The following TMEM232 variants were observed in gnomAD, a reference collection of about 807,000 sequenced individuals.
TMEM232 encodes the protein transmembrane protein 232.
TMEM232 carries 80 observed loss-of-function variants against 78.8 expected under a neutral mutation model. The observed-to-expected ratio is 1.01, with a 90% CI of 0.85 to 1.22. The LOEUF (loss-of-function observed/expected upper bound fraction) is 1.22. Among genes scored for constraint, TMEM232 ranks in the 50% most tolerant of loss-of-function variants. The pLI is 0.00. For synonymous variants in TMEM232, 297 were observed against 254.3 expected, an observed-to-expected ratio of 1.17 and a Z score of -1.60; for missense variants, 881 against 742.2, an observed-to-expected ratio of 1.19 and a Z score of -2.17.
chr5:110,587,871 G>C (rs941965272), intron 10 of TMEM232, among the ~76,000 whole-genome samples: 5 of 149,762 alleles, frequency 3.3e-5, no homozygotes, highest in African/African-American at 1.3e-4. Flanking sequence ...AATATGATCA[G>C]TGATACTATA....
At chr5:110,662,037 T>G (rs577346671) in intron 2 of TMEM232, among the ~76,000 whole-genome samples, 137 of 152,318 alleles carry the variant, frequency 9.0e-4, no homozygotes, top group African/African-American at 3.2e-3. Context: ...TCATATATTC[T>G]GGTTAATAGT....
intron 2 of TMEM232, among the ~76,000 whole-genome samples, chr5:110,410,417 A>T (rs956693241): frequency 1.2e-4 from 19 of 152,172 alleles, no homozygotes; most frequent in African/African-American, 4.6e-4. Context: ...CTACAGTGGG[A>T]TCAAAATTTA....
intron 2 of TMEM232, among the ~76,000 whole-genome samples, chr5:110,654,816 C>G (rs1255784593): frequency 6.6e-6 from 1 of 152,130 alleles, no homozygotes; most frequent in African/African-American, 2.4e-5. Context: ...TGTCCTCTTT[C>G]ATTTCATTGA....
chr5:110,703,044 G>C (rs889178620), intron 1 of TMEM232, among the ~76,000 whole-genome samples: 7 of 151,916 alleles, frequency 4.6e-5, no homozygotes, highest in African/African-American at 1.7e-4. Flanking sequence ...TACAATTCCT[G>C]GACATCCCAA....
At chr5:110,481,120 A>G (rs1763814013) in intron 12 of TMEM232, among the ~76,000 whole-genome samples, 1 of 152,054 alleles carries the variant, frequency 6.6e-6, no homozygotes, top group Admixed American at 6.6e-5. Flanking sequence ...TCAATCTTAG[A>G]CCTGGTATTT....
chr5:110,550,482 T>C (rs556529261), intron 11 of TMEM232, among the ~76,000 whole-genome samples: 85 of 152,208 alleles, frequency 5.6e-4, no homozygotes, highest in African/African-American at 1.9e-3. Flanking sequence ...TGAATTTTTA[T>C]GTAAAAAATA....
chr5:110,733,821 C>A (rs1365171637), intron 2 of TMEM232, among the ~76,000 whole-genome samples: 1 of 152,082 alleles, frequency 6.6e-6, no homozygotes, highest in Admixed American at 6.6e-5. Flanking sequence ...GCACATGTAC[C>A]CTTGAACCTA....
At chr5:110,617,808 CAACAAACAAACA>C (rs144650087) in intron 8 of TMEM232, 2,707 of 147,534 alleles carry the variant, frequency 0.018, 89 homozygotes, top group African/African-American at 0.061. Context: ...ACTAAAAAAT[CAACAAACAAACA>C]AACAAACAAA....
chr5:110,680,969 G>A (rs1399528470), intron 1 of TMEM232, among the ~76,000 whole-genome samples: 6 of 152,074 alleles, frequency 3.9e-5, no homozygotes, highest in Admixed American at 3.9e-4. Context: ...GGGGTAAAGA[G>A]AGAGGGAAAA....
Position 110,517,166 on chromosome 5 carries a change from A to G in TMEM232, c.1703+11422T>C, listed in dbSNP as rs148526619. Among the ~76,000 whole-genome samples, 613 of 152,318 alleles carry G rather than the reference A, an allele frequency of 4.0e-3. 2 individuals carry two copies. The highest frequency in any genetic ancestry group is 5.9e-3 in the Non-Finnish European group (398 of 68,012). On this transcript the variant is annotated intron_variant, in intron 12 of 13. Transcript: ENST00000455884. ...TGAATAAAGACCTTTCAGGGATGAAAAAGAACTGTATGATTTAAATTATGT... is the reference window on the plus strand; with the variant it reads ...TGAATAAAGACCTTTCAGGGATGAAGAAGAACTGTATGATTTAAATTATGT...
At chr5:110,697,150 T>C (rs1794887739) in intron 1 of TMEM232, among the ~76,000 whole-genome samples, 1 of 152,154 alleles carries the variant, frequency 6.6e-6, no homozygotes, top group Non-Finnish European at 1.5e-5. Context: ...GCCGCATATC[T>C]GCAACCATCT....
intron 10 of TMEM232, among the ~76,000 whole-genome samples, chr5:110,580,695 C>A (rs1778106929): frequency 6.6e-6 from 1 of 150,834 alleles, no homozygotes; most frequent in Admixed American, 6.6e-5. Flanking sequence ...CTAAATAGAC[C>A]TAAAAGGCAT....
rs1389073137 is a variant in TMEM232 at position 110,411,979 on chromosome 5, AAT to A, written n.308+12842_308+12843del. Among the ~76,000 whole-genome samples, 4 of 152,274 alleles carry A rather than the reference AAT, an allele frequency of 2.6e-5. No individual in the cohort carries two copies. The East Asian group carries it at 5.8e-4, about 22-fold the overall frequency. On this transcript the variant is annotated intron_variant and non_coding_transcript_variant, in intron 2 of 8. Transcript: ENST00000507188. ...TTATGAGGGAAAGAATAAAATGCAC[AAT>A]ATATATTAGTTTCATATTTTCAAAA...
intron 1 of TMEM232, among the ~76,000 whole-genome samples, chr5:110,675,511 G>A (rs879230592): frequency 6.6e-6 from 1 of 152,100 alleles, no homozygotes; most frequent in Admixed American, 6.6e-5. Context: ...GAAAAACGGA[G>A]ACTTCATTTC....
chr5:110,629,972 A>G (rs1784914410), intron 5 of TMEM232, among the ~76,000 whole-genome samples: 2 of 152,172 alleles, frequency 1.3e-5, no homozygotes, highest in Admixed American at 6.5e-5. Flanking sequence ...TACTTCTCCA[A>G]AGGGGAAACA....
chr5:110,520,538 A>T (rs1026457433), intron 12 of TMEM232, among the ~76,000 whole-genome samples: 2 of 152,216 alleles, frequency 1.3e-5, no homozygotes, highest in Non-Finnish European at 2.9e-5. Flanking sequence ...ATCTAACAGG[A>T]CACTATTAGA....
At chr5:110,417,670 G>A (rs1756289867), downstream of TMEM232, 1 of 119,022 alleles carries the variant, frequency 8.4e-6, no homozygotes. Flanking sequence ...CAGAAAACAA[G>A]GCCAAAGATG....
chr5:110,539,757 C>T lies in TMEM232; in HGVS notation c.1456-10922G>A, dbSNP rs374061418. On this transcript the variant is annotated intron_variant, in intron 11 of 13. Transcript: ENST00000455884. The stretch of plus-strand genomic sequence containing the variant: ...AAGGAAGCTTCTGAACAAAATACTA[C>T]AAAAACTTTTAATTTCCTGGCAGAC... Among the ~76,000 whole-genome samples, 9 of 152,212 alleles carry T rather than the reference C, an allele frequency of 5.9e-5. 1 individual carries two copies. The highest frequency in any genetic ancestry group is 5.8e-4 in the East Asian group (3 of 5,174).
At chr5:110,426,115 T>C (rs1757204905) in intron 12 of TMEM232, among the ~76,000 whole-genome samples, 2 of 151,986 alleles carry the variant, frequency 1.3e-5, no homozygotes, top group South Asian at 4.1e-4. Flanking sequence ...CTTTCTCTTA[T>C]GCCTTTCTCT....
Sources: allele counts gnomAD v4.1 joint callset (sites outside exome capture counted in the v4.1 genomes callset), GRCh38; gene constraint gnomAD v4.1.1; transcripts MANE v1.5; gene names NCBI Gene and HGNC (gene_info 2026-07-23, HGNC 2026-07-21).